The following ANO10 variants were observed in gnomAD, a reference collection of about 807,000 sequenced individuals.
The protein encoded by ANO10 is anoctamin 10.
A neutral mutation model predicts 74.7 loss-of-function variants in ANO10; 77 were observed. The ratio of observed to expected loss-of-function variants is 1.03; its 90% CI spans 0.86 to 1.25. The LOEUF (loss-of-function observed/expected upper bound fraction) is 1.25. Among genes scored for constraint, ANO10 ranks in the 50% most tolerant of loss-of-function variants. The pLI is 0.00. For synonymous variants in ANO10, 279 were observed against 284.9 expected (o/e 0.98, Z 0.21); for missense variants, 721 against 778.1 (o/e 0.93, Z 0.87).
intron 11 of ANO10, among the ~76,000 whole-genome samples, chr3:43,437,180 G>A (rs1029591822): frequency 6.6e-6 from 1 of 152,050 alleles, no homozygotes; most frequent in Non-Finnish European, 1.5e-5. Context: ...ACCTCCCAAA[G>A]GTCCCCTGAA....
At chr3:43,447,309 G>C (rs143993800) in intron 11 of ANO10, among the ~76,000 whole-genome samples, 1 of 152,148 alleles carries the variant, frequency 6.6e-6, no homozygotes, top group Non-Finnish European at 1.5e-5. Context: ...TATTAAGCAC[G>C]CATGTACAAT....
At chr3:43,401,969 G>A (rs2092489103) in intron 12 of ANO10, among the ~76,000 whole-genome samples, 1 of 145,978 alleles carries the variant, frequency 6.9e-6, no homozygotes, top group South Asian at 2.1e-4. Flanking sequence ...CAGCTCTGAG[G>A]GTCCCATGCC....
chr3:43,555,765 C>T (rs1245311496), intron 9 of ANO10, among the ~76,000 whole-genome samples: 3 of 152,162 alleles, frequency 2.0e-5, no homozygotes, highest in African/African-American at 7.2e-5. Context: ...ATCAGTCTTT[C>T]ACTAAGATAT....
rs1553643242 is a variant in ANO10, at chr3:43,386,648, C to CGCGTGTGT, written c.1915-19675_1915-19674insACACACGC. 2.1e-5 allele frequency among the ~76,000 whole-genome samples: 3 copies of CGCGTGTGT among 139,996 alleles called. No homozygotes were observed. The East Asian group carries it at 6.5e-4, about 30-fold the overall frequency. The allele number at this position is 139,996 out of a possible 152,430, so 91.8% of individuals were successfully genotyped here. On this transcript the variant is annotated intron_variant, in intron 12 of 12. Coordinates refer to ENST00000292246, the MANE Select transcript of ANO10 (RefSeq NM_018075.5). ...TTTGAAAGTTGTGTGTAGGTGTGTACGTGTGTGTGTGTGTGTGTGTGTGTG... is the reference window on the plus strand; with the variant it reads ...TTTGAAAGTTGTGTGTAGGTGTGTACGCGTGTGTGTGTGTGTGTGTGTGTGTGTGTGTG...
In ANO10 at chr3:43,366,502, C is replaced by T. The variant is rs904220123; in HGVS notation, c.*404G>A. 6 of 358,782 alleles carry T rather than the reference C, an allele frequency of 1.7e-5. No individual in the cohort carries two copies. Among genetic ancestry groups the T allele is most frequent in the South Asian group, 7.0e-5 (3 of 42,580 alleles). The allele number at this position is 358,782 out of a possible 1,614,324, so 22.2% of individuals were successfully genotyped here. The stretch of plus-strand genomic sequence containing the variant: ...AGGCTCCTGTGATGAGCACAGTGGG[C>T]ACACACCCCATCCCCAACCTGTCCA... On this transcript the variant is annotated 3_prime_UTR_variant, in exon 13 of 13. Coordinates refer to ENST00000292246, the MANE Select transcript of ANO10 (RefSeq NM_018075.5).
At chr3:43,567,095 G>C (rs2080401839) in intron 7 of ANO10, among the ~76,000 whole-genome samples, 1 of 152,144 alleles carries the variant, frequency 6.6e-6, no homozygotes, top group Non-Finnish European at 1.5e-5. Context: ...AATGGAAGAT[G>C]AAATGAATGA....
chr3:43,648,495 G>T (rs2083749974), intron 1 of ANO10, among the ~76,000 whole-genome samples: 1 of 152,082 alleles, frequency 6.6e-6, no homozygotes, highest in Non-Finnish European at 1.5e-5. Context: ...GTTATTCATT[G>T]ATTATATGCT....
intron 11 of ANO10, among the ~76,000 whole-genome samples, chr3:43,468,773 C>T (rs537087192): frequency 2.7e-5 from 4 of 149,996 alleles, no homozygotes; most frequent in East Asian, 2.0e-4. Flanking sequence ...TGCAGTAGTG[C>T]GATCTCGGCT....
Position 43,366,610 on chromosome 3 carries a change from G to A in ANO10, c.*296C>T, listed in dbSNP as rs1187680819. On this transcript the variant is annotated 3_prime_UTR_variant, in exon 13 of 13. Transcript: ENST00000292246. ...AGCTGGTGGCTCACTCATGGTGAGAGGCTCAAGGGCGGCAGTGGCTCTGCA... is the reference window on the plus strand; with the variant it reads ...AGCTGGTGGCTCACTCATGGTGAGAAGCTCAAGGGCGGCAGTGGCTCTGCA... 1 of 491,888 alleles carries A rather than the reference G, an allele frequency of 2.0e-6. No homozygotes were observed. The highest frequency in any genetic ancestry group is 3.9e-5 in the East Asian group (1 of 25,728). 30.5% of individuals were successfully genotyped at this position (491,888 alleles called of 1,614,324 possible).
chr3:43,369,245 G>A lies in ANO10; in HGVS notation c.1915-2271C>T, dbSNP rs2125668539. 2.0e-5 allele frequency among the ~76,000 whole-genome samples: 3 copies of A among 152,390 alleles called. No individual in the cohort carries two copies. The South Asian group carries it at 6.2e-4, about 32-fold the overall frequency. ...GGGGGCTTCACCCAAGTTCAGGGAA[G>A]GAACTCGGAACCCACTTGGCTGGGT... On this transcript the variant is annotated intron_variant, in intron 12 of 12. Coordinates refer to ENST00000292246, the MANE Select transcript of ANO10 (RefSeq NM_018075.5).
intron 11 of ANO10, among the ~76,000 whole-genome samples, chr3:43,547,876 G>T (rs2079270374): frequency 6.6e-6 from 1 of 152,112 alleles, no homozygotes; most frequent in African/African-American, 2.4e-5. Flanking sequence ...GAAAGTGAGG[G>T]CAAAAATCAA....
At chr3:43,453,827 G>A (rs988460994) in intron 11 of ANO10, among the ~76,000 whole-genome samples, 1 of 151,882 alleles carries the variant, frequency 6.6e-6, no homozygotes, top group Non-Finnish European at 1.5e-5. Context: ...CCTTATGCCG[G>A]TATTACATAT....
At chr3:43,521,459 A>C (rs1244875042) in intron 11 of ANO10, among the ~76,000 whole-genome samples, 1 of 152,210 alleles carries the variant, frequency 6.6e-6, no homozygotes, top group Non-Finnish European at 1.5e-5. Flanking sequence ...AAAAATGATA[A>C]TCACAGAAAT....
chr3:43,691,059 G>C lies in ANO10; in HGVS notation c.-12+458C>G. On this transcript the variant is annotated intron_variant, in intron 1 of 3. Coordinates refer to the ANO10 transcript ENST00000413397. ...AGAGAGGTAAGCGCAGCCGGCAGGG[G>C]GCTTCGTGTGTCTCCGGCGCGCACC... is the stretch of plus-strand genomic sequence containing the variant. 4 of 1,535,750 alleles carry C rather than the reference G, an allele frequency of 2.6e-6. No homozygotes were observed. Among genetic ancestry groups the C allele is most frequent in the Non-Finnish European group, 3.5e-6 (4 of 1,140,494 alleles).
At chr3:43,554,026 A>G (rs916546673) in intron 10 of ANO10, among the ~76,000 whole-genome samples, 3 of 151,922 alleles carry the variant, frequency 2.0e-5, no homozygotes, top group African/African-American at 7.3e-5. Context: ...CATTTGTTTC[A>G]GATATGGTCA....
At chr3:43,547,401 C>T (rs2079243682) in intron 11 of ANO10, among the ~76,000 whole-genome samples, 1 of 152,154 alleles carries the variant, frequency 6.6e-6, no homozygotes, top group Non-Finnish European at 1.5e-5. Flanking sequence ...TGTATTTTCT[C>T]ATAGTCTGGA....
chr3:43,650,584 A>T (rs2083776773), intron 1 of ANO10, among the ~76,000 whole-genome samples: 1 of 152,218 alleles, frequency 6.6e-6, no homozygotes, highest in Non-Finnish European at 1.5e-5. Flanking sequence ...AAACAACTTC[A>T]ATAAAAAGCA....
At chr3:43,456,216 A>G (rs1364636892) in intron 11 of ANO10, among the ~76,000 whole-genome samples, 1 of 152,174 alleles carries the variant, frequency 6.6e-6, no homozygotes, top group Admixed American at 6.6e-5. Flanking sequence ...ATCTTCAGAC[A>G]CTGCAGTGTA....
chr3:43,445,933 C>A (rs2093238645), intron 11 of ANO10, among the ~76,000 whole-genome samples: 1 of 152,118 alleles, frequency 6.6e-6, no homozygotes. Flanking sequence ...CTCCTGAGCT[C>A]AAGCAATCTT....
Sources: gnomAD v4.1 joint callset for allele counts (sites outside exome capture counted in the v4.1 genomes callset) on GRCh38, gnomAD v4.1.1 for gene constraint, MANE v1.5 for transcripts, NCBI Gene and HGNC (gene_info 2026-07-23, HGNC 2026-07-21) for gene names.